The following NTAQ1 variants were observed in gnomAD, a reference collection of about 807,000 sequenced individuals.
NTAQ1 encodes the protein N-terminal glutamine amidase 1, also known as protein N-terminal glutamine amidohydrolase.
NTAQ1 carries 21 observed loss-of-function variants against 28.2 expected under a neutral mutation model. The ratio of observed to expected loss-of-function variants is 0.74; its 90% CI spans 0.53 to 1.07. NTAQ1 has a LOEUF of 1.07. Among genes scored for constraint, NTAQ1 ranks in the 50% least tolerant of loss-of-function variants. NTAQ1 has a pLI of 0.00. For synonymous variants in NTAQ1, 105 were observed against 90.0 expected (o/e 1.17, Z -0.94); for missense variants, 264 against 256.6 (o/e 1.03, Z -0.20).
Position 123,457,394 on chromosome 8 carries a change from A to G in NTAQ1, c.373-9685A>G, listed in dbSNP as rs538331911. Among the ~76,000 whole-genome samples the G allele has an allele frequency of 4.0e-4, 61 of 152,280 alleles. 2 individuals are homozygous for G. In the South Asian group the frequency reaches 0.013, roughly 32 times the overall value. ...AATTAAAAAAAAAATCTTAAACATG[A>G]TATAAATATTCTTTTGTATGTATTA... is the stretch of plus-strand genomic sequence containing the variant. On this transcript the variant is annotated intron_variant, in intron 6 of 6. Transcript: ENST00000650311.
chr8:123,466,784 A>G (rs1815969955), intron 6 of NTAQ1, among the ~76,000 whole-genome samples: 1 of 152,122 alleles, frequency 6.6e-6, no homozygotes, highest in Admixed American at 6.6e-5. Flanking sequence ...TCTAGTTTTA[A>G]TTTTTTGAGG....
chr8:123,474,035 A>T (rs1247186732), downstream of NTAQ1, among the ~76,000 whole-genome samples: 2 of 152,190 alleles, frequency 1.3e-5, no homozygotes, highest in South Asian at 4.1e-4. Flanking sequence ...AATTTGTCTT[A>T]AAAAAGTTAC....
chr8:123,436,971 C>A (rs1374642074), intron 4 of NTAQ1, among the ~76,000 whole-genome samples: 7 of 152,144 alleles, frequency 4.6e-5, no homozygotes. Context: ...CCTTGATACA[C>A]AAATCGAGTA....
At chr8:123,419,750 C>CTCTCCCTCCCTT (rs1813556144) in intron 1 of NTAQ1, among the ~76,000 whole-genome samples, 1 of 87,812 alleles carries the variant, frequency 1.1e-5, no homozygotes, top group African/African-American at 3.7e-5. Context: ...CTCCCTCCCT[C>CTCTCCCTCCCTT]CCTCCCTTCC....
chr8:123,472,768 A>G (rs1816053344), downstream of NTAQ1, among the ~76,000 whole-genome samples: 1 of 152,228 alleles, frequency 6.6e-6, no homozygotes, highest in Admixed American at 6.5e-5. Flanking sequence ...GGGAGATGCT[A>G]TTCAACCCCC....
downstream of NTAQ1, among the ~76,000 whole-genome samples, chr8:123,445,278 C>G (rs1400014702): frequency 1.3e-5 from 2 of 151,242 alleles, no homozygotes; most frequent in African/African-American, 2.4e-5. Flanking sequence ...TCCCCACCCC[C>G]CCGACAAATG....
At chr8:123,436,169 CAAAAAAAA>C (rs34240319) in intron 3 of NTAQ1, among the ~76,000 whole-genome samples, 1 of 85,988 alleles carries the variant, frequency 1.2e-5, no homozygotes, top group East Asian at 3.6e-4. Flanking sequence ...GACTCCATCT[CAAAAAAAA>C]AAAAAAAAAA....
the NTAQ1 span, among the ~76,000 whole-genome samples, chr8:123,475,508 A>G: frequency 6.6e-6 from 1 of 152,296 alleles, no homozygotes; most frequent in African/African-American, 2.4e-5. Flanking sequence ...TGTAAATTAT[A>G]AAATTGTATA....
Position 123,416,865 on chromosome 8 carries a change from C to A in NTAQ1, c.16C>A (p.Pro6Thr). MEGNG[P>T]AAVHYQPASP... The stretch of plus-strand genomic sequence containing the variant: ...CTAGCCGGCCATGGAAGGTAATGGC[C>A]CCGCTGCTGTCCACTACCAGCCGGC... The change falls in exon 1 of 6, where the codon CCC becomes ACC. Residue 6 changes from proline to threonine, a missense_variant. Transcript: ENST00000287387. 1.3e-6 allele frequency: 2 copies of A among 1,530,796 alleles called. No homozygotes were observed. The highest frequency in any genetic ancestry group is 1.8e-6 in the Non-Finnish European group (2 of 1,139,776). The allele number at this position is 1,530,796 out of a possible 1,614,324, so 94.8% of individuals were successfully genotyped here. A position where few individuals can be genotyped will look rare whatever the true frequency, so the allele number is the denominator to read the frequency against.
At chr8:123,449,974 T>TATATAA (rs371673968), downstream of NTAQ1, among the ~76,000 whole-genome samples, 4,095 of 56,040 alleles carry the variant, frequency 0.073, 1,066 homozygotes, top group Non-Finnish European at 0.078. Flanking sequence ...TATATATATA[T>TATATAA]GCTGGATAAA....
chr8:123,453,461 T>G (rs1006696370), intron 6 of NTAQ1, among the ~76,000 whole-genome samples: 1 of 151,116 alleles, frequency 6.6e-6, no homozygotes, highest in Non-Finnish European at 1.5e-5. Flanking sequence ...AGAGTTTTGC[T>G]CTTGTCACCT....
chr8:123,442,868 A>G (rs1264554209), downstream of NTAQ1, among the ~76,000 whole-genome samples: 2 of 149,848 alleles, frequency 1.3e-5, no homozygotes, highest in East Asian at 2.0e-4. Flanking sequence ...TGGTTTCACC[A>G]CGTTGGCCAG....
downstream of NTAQ1, among the ~76,000 whole-genome samples, chr8:123,451,388 G>T (rs551708446): frequency 1.3e-5 from 2 of 152,222 alleles, no homozygotes; most frequent in Non-Finnish European, 2.9e-5. Context: ...ACCCAGGCTG[G>T]GGTGCAGTGG....
chr8:123,428,096 A>AAAAAG (rs1554651934), intron 2 of NTAQ1, 73 bp downstream of exon 2: 51 of 1,023,994 alleles, frequency 5.0e-5, no homozygotes, highest in Non-Finnish European at 4.8e-5. Context: ...TAAAAAAAAA[A>AAAAAG]AAGCTAAATA....
chr8:123,447,595 A>G (rs898342430), intron 6 of NTAQ1, among the ~76,000 whole-genome samples: 4 of 152,178 alleles, frequency 2.6e-5, no homozygotes, highest in Non-Finnish European at 2.9e-5. Flanking sequence ...ACTAGCCAGT[A>G]AGTAGTAGAG....
downstream of NTAQ1, among the ~76,000 whole-genome samples, chr8:123,449,909 A>G (rs60870962): frequency 2.4e-5 from 1 of 42,420 alleles, no homozygotes; most frequent in Non-Finnish European, 4.4e-5. Flanking sequence ...CCATATGTAT[A>G]TATGTGTGTG....
intron 3 of NTAQ1, among the ~76,000 whole-genome samples, chr8:123,432,211 T>C (rs1814439227): frequency 1.3e-5 from 2 of 152,194 alleles, no homozygotes; most frequent in Non-Finnish European, 2.9e-5. Flanking sequence ...GAAAACTACA[T>C]TGTTAACGCA....
chr8:123,434,106 A>G (rs1814557212), intron 3 of NTAQ1, among the ~76,000 whole-genome samples: 1 of 151,992 alleles, frequency 6.6e-6, no homozygotes, highest in Non-Finnish European at 1.5e-5. Context: ...GGAGGGGCTG[A>G]GATTGGAACC....
chr8:123,447,657 C>T (rs1815339642), intron 6 of NTAQ1, among the ~76,000 whole-genome samples: 1 of 152,194 alleles, frequency 6.6e-6, no homozygotes, highest in Non-Finnish European at 1.5e-5. Context: ...CTGCTGCTTT[C>T]TGATCACCTC....
Sources: gnomAD v4.1 joint callset for allele counts (sites outside exome capture counted in the v4.1 genomes callset) on GRCh38, gnomAD v4.1.1 for gene constraint, MANE v1.5 for transcripts, NCBI Gene and HGNC (gene_info 2026-07-23, HGNC 2026-07-21) for gene names.